Variants in ANKS1B observed in about 807,000 individuals in gnomAD.
ANKS1B encodes ankyrin repeat and sterile alpha motif domain-containing protein 1B.
Under a neutral mutation model 148.3 loss-of-function variants are expected in ANKS1B, and 36 were observed. The observed-to-expected ratio is 0.24, with a 90% confidence interval of 0.19 to 0.32. The LOEUF (loss-of-function observed/expected upper bound fraction) is 0.32, where lower values mean the gene tolerates loss of function less well. Among genes scored for constraint, ANKS1B ranks in the 10% least tolerant of loss-of-function variants. The pLI is 1.00. For synonymous variants in ANKS1B, 542 were observed against 560.8 expected (o/e 0.97, Z 0.47); for missense variants, 1,157 against 1,542.6 (o/e 0.75, Z 4.19).
chr12:99,654,881 A>T (rs1157464701), intron 9 of ANKS1B, among the ~76,000 whole-genome samples, 186 bp downstream of exon 9: 1 of 152,234 alleles, frequency 6.6e-6, no homozygotes, highest in African/African-American at 2.4e-5. Flanking sequence ...ATGTCTTCGC[A>T]TATGTACACA....
intron 16 of ANKS1B, among the ~76,000 whole-genome samples, chr12:99,069,931 C>T (rs2045739045): frequency 1.3e-5 from 2 of 152,168 alleles, no homozygotes; most frequent in African/African-American, 4.8e-5. Flanking sequence ...CAGTTTCAAT[C>T]CTGACTCTGA....
chr12:98,877,429 C>G (rs186059073), intron 17 of ANKS1B, among the ~76,000 whole-genome samples: 38 of 152,290 alleles, frequency 2.5e-4, no homozygotes, highest in African/African-American at 9.1e-4. Context: ...ACTTCCTGAC[C>G]CATTACTCAG....
intron 17 of ANKS1B, among the ~76,000 whole-genome samples, chr12:99,000,537 G>T (rs2099932367): frequency 6.6e-6 from 1 of 152,102 alleles, no homozygotes; most frequent in African/African-American, 2.4e-5. Flanking sequence ...CCAAAGTGCT[G>T]GGATTACAGG....
chr12:99,418,589 A>G (rs11109836), intron 11 of ANKS1B, among the ~76,000 whole-genome samples: 39,406 of 151,898 alleles, frequency 0.26, 5,255 homozygotes, highest in East Asian at 0.43. Context: ...GTCATCTGCA[A>G]ATAGGAAGTT....
chr12:99,635,733 T>TGTGG (rs1229348613), intron 9 of ANKS1B, among the ~76,000 whole-genome samples: 44 of 152,246 alleles, frequency 2.9e-4, no homozygotes, highest in African/African-American at 1.0e-3. Context: ...TTAAAAATAG[T>TGTGG]TAATATGGAA....
At chr12:99,344,199 G>A (rs2090340621) in intron 12 of ANKS1B, among the ~76,000 whole-genome samples, 1 of 152,010 alleles carries the variant, frequency 6.6e-6, no homozygotes, top group African/African-American at 2.4e-5. Context: ...ACCACTGTGT[G>A]TGTATATGCA....
chr12:99,873,359 T>C (rs1365222002), intron 1 of ANKS1B, among the ~76,000 whole-genome samples: 2 of 152,154 alleles, frequency 1.3e-5, no homozygotes, highest in Non-Finnish European at 2.9e-5. Context: ...CTCGATTCTT[T>C]CAAAGAAGAA....
At chr12:99,748,987 C>T (rs769312678) in intron 8 of ANKS1B, among the ~76,000 whole-genome samples, 1 of 152,052 alleles carries the variant, frequency 6.6e-6, no homozygotes, top group Non-Finnish European at 1.5e-5. Flanking sequence ...CTGATATAGA[C>T]ACTATAGTTT....
At chr12:98,904,876 A>T (rs753193192) in intron 17 of ANKS1B, among the ~76,000 whole-genome samples, 45 of 151,862 alleles carry the variant, frequency 3.0e-4, no homozygotes, top group Non-Finnish European at 5.7e-4. Flanking sequence ...TTTTTTCCCA[A>T]ATGTAAAAAC....
At chr12:99,259,456 G>A (rs1011585029) in intron 12 of ANKS1B, among the ~76,000 whole-genome samples, 3 of 152,176 alleles carry the variant, frequency 2.0e-5, no homozygotes, top group African/African-American at 7.2e-5. Context: ...CATTTACTGC[G>A]GAAGCCAGAG....
intron 1 of ANKS1B, among the ~76,000 whole-genome samples, chr12:99,977,186 T>G (rs1439457309): frequency 6.6e-6 from 1 of 152,134 alleles, no homozygotes; most frequent in East Asian, 1.9e-4. Flanking sequence ...CTCTGTCACC[T>G]AGGCTGGAGT....
At chr12:99,419,444 G>C (rs559997945) in intron 11 of ANKS1B, among the ~76,000 whole-genome samples, 114 of 152,216 alleles carry the variant, frequency 7.5e-4, no homozygotes, top group African/African-American at 2.7e-3. Context: ...GGTCTGTAGT[G>C]ACATCCCTAT....
intron 15 of ANKS1B, among the ~76,000 whole-genome samples, chr12:99,109,914 GAGGAA>G (rs551125688): frequency 1.6e-4 from 24 of 152,288 alleles, no homozygotes; most frequent in African/African-American, 5.8e-4. Flanking sequence ...GCTTTAAGAT[GAGGAA>G]AGGAAAGCTC....
At chr12:98,876,907 T>G (rs1027652617) in intron 17 of ANKS1B, among the ~76,000 whole-genome samples, 1 of 152,236 alleles carries the variant, frequency 6.6e-6, no homozygotes, top group Non-Finnish European at 1.5e-5. Flanking sequence ...AACATCCTTT[T>G]GGAAGCAGCA....
chr12:99,245,878 T>C (rs2090142408), intron 13 of ANKS1B, among the ~76,000 whole-genome samples: 1 of 152,198 alleles, frequency 6.6e-6, no homozygotes, highest in East Asian at 1.9e-4. Flanking sequence ...TCTGAAAATA[T>C]AAGATACTTT....
chr12:99,066,699 G>A (rs963393907), intron 16 of ANKS1B, among the ~76,000 whole-genome samples: 2 of 152,210 alleles, frequency 1.3e-5, no homozygotes, highest in African/African-American at 2.4e-5. Flanking sequence ...GAAGGAAGGG[G>A]CTAGTGGCTT....
At chr12:99,686,823 TAC>T (rs1475095471) in intron 8 of ANKS1B, among the ~76,000 whole-genome samples, 2 of 152,148 alleles carry the variant, frequency 1.3e-5, no homozygotes, top group Non-Finnish European at 2.9e-5. Context: ...AATCACACAA[TAC>T]ATTTTATTAT....
chr12:99,558,265 G>T (rs1213794334), intron 9 of ANKS1B, among the ~76,000 whole-genome samples: 1 of 152,160 alleles, frequency 6.6e-6, no homozygotes, highest in East Asian at 1.9e-4. Context: ...CAGAGATGGG[G>T]TTGTCAGAGT....
chr12:98,821,387 C>A lies in ANKS1B; in HGVS notation c.3066+7787G>T, dbSNP rs149570977. The stretch of plus-strand genomic sequence containing the variant: ...CCCTCTTCTAGCAGCAGCGGCCTGG[C>A]TGTTCATGGGAGGAGGTGCCTCCTT... On this transcript the variant is annotated intron_variant, in intron 19 of 26. Coordinates refer to ENST00000683438, the MANE Select transcript of ANKS1B (RefSeq NM_001352186.2). 8.6e-3 allele frequency among the ~76,000 whole-genome samples: 1,308 copies of A among 152,328 alleles called. 12 individuals carry two copies. The highest frequency in any genetic ancestry group is 0.014 in the Non-Finnish European group (974 of 68,038).
Sources: allele counts gnomAD v4.1 joint callset (sites outside exome capture counted in the v4.1 genomes callset), GRCh38; gene constraint gnomAD v4.1.1; transcripts MANE v1.5; gene names NCBI Gene and HGNC (gene_info 2026-07-23, HGNC 2026-07-21).